Variants in DOP1A observed in about 807,000 individuals in gnomAD.
DOP1A encodes the protein protein DOP1A.
In DOP1A, 90 loss-of-function variants were observed where a neutral mutation model predicts 267.6. The observed-to-expected ratio is 0.34, with a 90% CI of 0.28 to 0.40. The LOEUF is 0.40. Among genes scored for constraint, DOP1A ranks in the 10% least tolerant of loss-of-function variants. DOP1A has a pLI of 1.00. For missense variants in DOP1A, 2,437 were observed against 2,900.4 expected, an observed-to-expected ratio of 0.84 and a Z score of 3.67; for synonymous variants, 932 against 999.1, an observed-to-expected ratio of 0.93 and a Z score of 1.27.
At chr6:83,082,760 A>G (rs530274549) in intron 1 of DOP1A, among the ~76,000 whole-genome samples, 10 of 152,228 alleles carry the variant, frequency 6.6e-5, no homozygotes, top group Admixed American at 5.2e-4. Flanking sequence ...TACATAATAC[A>G]ATTTTATCTG....
rs1417367852 is a variant in DOP1A, at chr6:83,168,394, A to C, written c.*227A>C. 1 of 1,286,410 alleles carries C rather than the reference A, an allele frequency of 7.8e-7. No homozygotes were observed. The highest frequency in any genetic ancestry group is 9.8e-7 in the Non-Finnish European group (1 of 1,017,440). 79.7% of individuals were successfully genotyped at this position (1,286,410 alleles called of 1,614,324 possible). Reference sequence around the variant, plus strand: ...TGGTGCCTAAGAGAGCTATATATATACACATGTAAAGTCCATTGTTTTTAT... The same window carrying C: ...TGGTGCCTAAGAGAGCTATATATATCCACATGTAAAGTCCATTGTTTTTAT... On this transcript the variant is annotated 3_prime_UTR_variant, in exon 39 of 39. Coordinates refer to ENST00000349129, the MANE Select transcript of DOP1A (RefSeq NM_015018.4).
intron 4 of DOP1A, among the ~76,000 whole-genome samples, chr6:83,105,356 C>CTTTTTTTTTTTT (rs70987733): frequency 1.5e-5 from 1 of 65,890 alleles, no homozygotes; most frequent in Non-Finnish European, 2.8e-5. Context: ...GGATGTCTTT[C>CTTTTTTTTTTTT]TTTTTTTTTT....
Position 83,138,840 on chromosome 6 carries a change from C to G in DOP1A, c.4798C>G (p.Pro1600Ala). 6.2e-7 allele frequency: 1 copy of G among 1,613,974 alleles called. No homozygotes were observed. The highest frequency in any genetic ancestry group is 1.3e-5 in the African/African-American group (1 of 75,008). The change falls in exon 21 of 39, where the codon CCT (proline) becomes GCT (alanine). Residue 1600 changes from proline (P) to alanine (A), a missense_variant. Coordinates refer to ENST00000349129, the MANE Select transcript of DOP1A (RefSeq NM_015018.4). ...TCTAGAACACAGAGTAATGACTATT[C>G]CTGAAGAGAATGAAACAGGTTTTGA... is the stretch of plus-strand genomic sequence containing the variant. ...IVLEHRVMTI[P>A]EENETGFDFV...
intron 6 of DOP1A, among the ~76,000 whole-genome samples, chr6:83,112,144 G>A (rs1034578514): frequency 6.6e-6 from 1 of 151,832 alleles, no homozygotes; most frequent in Non-Finnish European, 1.5e-5. Context: ...GACACACATG[G>A]AAAAATATTT....
chr6:83,100,814 C>A lies in DOP1A; in HGVS notation c.248C>A (p.Ala83Glu). The A allele has an allele frequency of 6.3e-7, 1 of 1,591,184 alleles. No individual in the cohort carries two copies. ...TTACCAGGTGGAGTTCATCGGAAGG[C>A]GCTTGAAACATATGAAATTATCTTC... ...PALPGGVHRK[A>E]LETYEIIFKI... The change falls in exon 4 of 39, where the codon GCG becomes GAG. Residue 83 changes from alanine (A) to glutamate (E), a missense_variant. By Grantham distance (107) the Ala-to-Glu change is moderately radical. This residue lies in a region of DOP1A where 251 missense variants were observed against 359.1 expected (regional missense o/e 0.70). Coordinates refer to ENST00000349129, the MANE Select transcript of DOP1A (RefSeq NM_015018.4).
At chr6:83,125,248 A>G in intron 14 of DOP1A, 53 bp downstream of exon 14, 1 of 1,509,460 alleles carries the variant, frequency 6.6e-7, no homozygotes, top group Non-Finnish European at 8.9e-7. Context: ...CTTTTGTTAT[A>G]TTATAATTTT....
At chr6:83,085,333 C>A (rs761951067) in intron 1 of DOP1A, among the ~76,000 whole-genome samples, 37 of 151,860 alleles carry the variant, frequency 2.4e-4, no homozygotes, top group Admixed American at 1.7e-3. Flanking sequence ...TATTTGCATC[C>A]CATTGAGAGA....
chr6:83,141,962 A>G lies in DOP1A; in HGVS notation c.5457A>G (p.Ser1819=), dbSNP rs1779714917. 1 of 1,611,698 alleles carries G rather than the reference A, an allele frequency of 6.2e-7. No individual in the cohort carries two copies. The highest frequency in any genetic ancestry group is 8.5e-7 in the Non-Finnish European group (1 of 1,179,362). The change falls in exon 24 of 39, where the codon TCA becomes TCG. Residue 1819 remains serine, a synonymous_variant. Coordinates refer to ENST00000349129, the MANE Select transcript of DOP1A (RefSeq NM_015018.4). ...QQILELLGPI[S]MNHGVHFMAA... The stretch of plus-strand genomic sequence containing the variant: ...TTCTTGAATTGTTGGGCCCCATTTC[A>G]ATGAATCATGGTGTTCACTTTATGG...
At chr6:83,164,550 T>G (rs868824736) in intron 38 of DOP1A, 3 of 1,039,832 alleles carry the variant, frequency 2.9e-6, no homozygotes, top group Non-Finnish European at 4.4e-6. Context: ...AAGAAAACTA[T>G]TTTGATTGAA....
intron 30 of DOP1A, chr6:83,153,260 C>T (rs1162295100): frequency 7.6e-6 from 2 of 262,232 alleles, no homozygotes; most frequent in Non-Finnish European, 1.4e-5. Context: ...TTCTTGAACT[C>T]TTTTCTTTTT....
intron 3 of DOP1A, 106 bp downstream of exon 3, chr6:83,097,221 G>A: frequency 1.6e-6 from 2 of 1,282,524 alleles, no homozygotes; most frequent in Admixed American, 2.1e-5. Flanking sequence ...AAACATAAAT[G>A]AACCTTAGAT....
At chr6:83,075,256 A>G (rs559941260) in intron 1 of DOP1A, among the ~76,000 whole-genome samples, 1 of 152,290 alleles carries the variant, frequency 6.6e-6, no homozygotes, top group Non-Finnish European at 1.5e-5. Flanking sequence ...TTGACTGTTT[A>G]CCGTGGGTCA....
At chr6:83,091,523 C>T (rs1330105527) in intron 1 of DOP1A, among the ~76,000 whole-genome samples, 3 of 151,980 alleles carry the variant, frequency 2.0e-5, no homozygotes, top group Non-Finnish European at 4.4e-5. Context: ...AATTACCTGA[C>T]CAAACTTTTT....
chr6:83,143,882 A>G (rs1012743546), intron 24 of DOP1A, among the ~76,000 whole-genome samples: 1 of 152,088 alleles, frequency 6.6e-6, no homozygotes, highest in African/African-American at 2.4e-5. Context: ...TACCACTGTG[A>G]AAAGAGATCT....
intron 17 of DOP1A, among the ~76,000 whole-genome samples, chr6:83,131,362 TATTGCATTATTATTATTACTC>T (rs1041497850): frequency 1.1e-4 from 17 of 152,176 alleles, no homozygotes; most frequent in African/African-American, 3.9e-4. Flanking sequence ...TCCTGAAGAT[TATTGCATTATTATTATTACTC>T]ATTGCATTAT....
At chr6:83,130,519 A>G in intron 17 of DOP1A, 122 bp downstream of exon 17, 1 of 1,195,184 alleles carries the variant, frequency 8.4e-7, no homozygotes, top group Non-Finnish European at 1.1e-6. Flanking sequence ...ACCTCTTAAT[A>G]GGCCATACCA....
chr6:83,084,166 C>T (rs924048590), intron 1 of DOP1A, among the ~76,000 whole-genome samples: 3 of 152,292 alleles, frequency 2.0e-5, no homozygotes, highest in Middle Eastern at 3.4e-3. Flanking sequence ...GATGGCCCAC[C>T]TATGTAACAG....
chr6:83,171,309 A>G (rs532356795), downstream of DOP1A: 1 of 152,258 alleles, frequency 6.6e-6, no homozygotes, highest in East Asian at 1.9e-4. Context: ...TAATTTTTTT[A>G]TATCTATTTT....
intron 1 of DOP1A, among the ~76,000 whole-genome samples, chr6:83,086,907 ATTTTAGTTTTAG>A (rs143434086): frequency 1.8e-4 from 28 of 151,976 alleles, no homozygotes; most frequent in Non-Finnish European, 2.5e-4. Context: ...ATGGGTTTTA[ATTTTAGTTTTAG>A]TTTTAGTTTT....
Sources: gnomAD v4.1 joint callset for allele counts (sites outside exome capture counted in the v4.1 genomes callset) on GRCh38, gnomAD v4.1.1 for gene constraint, gnomAD v4.1.1 regional missense constraint, MANE v1.5 for transcripts, NCBI Gene and HGNC (gene_info 2026-07-23, HGNC 2026-07-21) for gene names.